NCKAP5: variants seen among roughly 807,000 people sequenced by gnomAD.
NCKAP5 encodes nck-associated protein 5.
Under a neutral mutation model 167.0 loss-of-function variants are expected in NCKAP5, and 92 were observed. The ratio of observed to expected loss-of-function variants is 0.55; its 90% CI spans 0.47 to 0.66. The LOEUF (loss-of-function observed/expected upper bound fraction) is 0.66. Among genes scored for constraint, NCKAP5 ranks in the 30% least tolerant of loss-of-function variants. The pLI, the probability that NCKAP5 is intolerant of heterozygous loss-of-function variation, is 0.00. For missense variants in NCKAP5, 2,378 were observed against 2,315.0 expected, an observed-to-expected ratio of 1.03 and a Z score of -0.56; for synonymous variants, 891 against 877.4, an observed-to-expected ratio of 1.02 and a Z score of -0.27.
At chr2:132,745,522 C>A (rs1679563803) in intron 16 of NCKAP5, among the ~76,000 whole-genome samples, 1 of 151,694 alleles carries the variant, frequency 6.6e-6, no homozygotes, top group African/African-American at 2.4e-5. Flanking sequence ...TGAATGTTCC[C>A]CCACTAAGAC....
chr2:132,687,933 C>G (rs932655913), intron 19 of NCKAP5, among the ~76,000 whole-genome samples: 2 of 152,162 alleles, frequency 1.3e-5, no homozygotes, highest in South Asian at 4.1e-4. Flanking sequence ...AGATGTACTA[C>G]TTTATGTGGT....
Position 133,209,487 on chromosome 2 carries a change from T to C in NCKAP5, c.207+4229A>G, listed in dbSNP as rs190988290. Among the ~76,000 whole-genome samples the C allele has an allele frequency of 2.2e-4, 34 of 151,452 alleles. No homozygotes were observed. The East Asian group carries it at 6.0e-3, about 27-fold the overall frequency. On this transcript the variant is annotated intron_variant, in intron 5 of 19. Transcript: ENST00000409261. Reference sequence around the variant, plus strand: ...CAAACAAAAAAACAGTGAAGTAACATGTCCAAGCTAACATTACTTAGGTAA... The same window carrying C: ...CAAACAAAAAAACAGTGAAGTAACACGTCCAAGCTAACATTACTTAGGTAA...
intron 6 of NCKAP5, among the ~76,000 whole-genome samples, chr2:132,998,934 T>C (rs909149606): frequency 6.6e-6 from 1 of 152,200 alleles, no homozygotes; most frequent in African/African-American, 2.4e-5. Flanking sequence ...CTTCTAGCTC[T>C]CCATCTCCTT....
At chr2:133,522,739 G>A (rs896409917) in intron 2 of NCKAP5, among the ~76,000 whole-genome samples, 18 of 152,216 alleles carry the variant, frequency 1.2e-4, no homozygotes, top group Middle Eastern at 3.4e-3. Context: ...AAGCATATTC[G>A]GATACACCCA....
chr2:132,901,534 C>T (rs916116617), intron 8 of NCKAP5, among the ~76,000 whole-genome samples: 13 of 152,260 alleles, frequency 8.5e-5, no homozygotes, highest in African/African-American at 2.6e-4. Context: ...AAATAATACC[C>T]ACAATGCAAC....
intron 19 of NCKAP5, among the ~76,000 whole-genome samples, chr2:132,696,442 C>A (rs1286409105): frequency 6.6e-6 from 1 of 152,162 alleles, no homozygotes. Context: ...ACTGATAGGA[C>A]CTGTGTTCAA....
At chr2:132,859,948 C>G (rs908756118) in intron 11 of NCKAP5, among the ~76,000 whole-genome samples, 1 of 150,748 alleles carries the variant, frequency 6.6e-6, no homozygotes, top group African/African-American at 2.4e-5. Context: ...GTTATGAAGG[C>G]AAGTAAAAAA....
At chr2:132,772,920 C>T (rs1682209755) in intron 16 of NCKAP5, among the ~76,000 whole-genome samples, 1 of 152,184 alleles carries the variant, frequency 6.6e-6, no homozygotes, top group Non-Finnish European at 1.5e-5. Context: ...GCTAAAGATG[C>T]TCCCAGTGAA....
intron 8 of NCKAP5, among the ~76,000 whole-genome samples, chr2:132,934,311 G>A (rs149103118): frequency 6.6e-6 from 1 of 152,302 alleles, no homozygotes; most frequent in Non-Finnish European, 1.5e-5. Flanking sequence ...CCTGGCTCAT[G>A]CCTGTAATCC....
chr2:133,308,952 C>T (rs1406547230), intron 3 of NCKAP5, among the ~76,000 whole-genome samples: 1 of 151,086 alleles, frequency 6.6e-6, no homozygotes, highest in Non-Finnish European at 1.5e-5. Flanking sequence ...CCTCATGATC[C>T]ACCCGCCTCG....
At chr2:133,130,203 A>G in intron 5 of NCKAP5, 92 bp from the exon 6 acceptor site, 1 of 1,388,176 alleles carries the variant, frequency 7.2e-7, no homozygotes, top group Admixed American at 2.9e-5. Context: ...TGAGCTTTAT[A>G]TATATGAATT....
intron 6 of NCKAP5, among the ~76,000 whole-genome samples, chr2:133,084,440 T>A (rs1238625733): frequency 6.6e-6 from 1 of 152,174 alleles, no homozygotes; most frequent in East Asian, 1.9e-4. Flanking sequence ...CTGTGTGACC[T>A]AGAGCAAGCT....
chr2:133,514,075 G>T (rs1042042480), intron 3 of NCKAP5, among the ~76,000 whole-genome samples: 1 of 152,124 alleles, frequency 6.6e-6, no homozygotes, highest in Non-Finnish European at 1.5e-5. Flanking sequence ...AAGAGGACTC[G>T]ATTTCTGGGG....
chr2:133,144,812 T>A (rs2083128520), intron 5 of NCKAP5, among the ~76,000 whole-genome samples: 1 of 152,112 alleles, frequency 6.6e-6, no homozygotes. Context: ...AGGAACAGAG[T>A]TCCTCCCACT....
At chr2:133,059,365 A>G (rs1272924446) in intron 6 of NCKAP5, among the ~76,000 whole-genome samples, 1 of 151,960 alleles carries the variant, frequency 6.6e-6, no homozygotes, top group African/African-American at 2.4e-5. Context: ...TTTTAGCAAT[A>G]AAATATTTTG....
At chr2:133,254,927 C>T (rs13431418) in intron 4 of NCKAP5, among the ~76,000 whole-genome samples, 24,285 of 151,856 alleles carry the variant, frequency 0.16, 2,130 homozygotes, top group African/African-American at 0.24. Context: ...GGAAGCAATG[C>T]AGTACAGTGA....
intron 7 of NCKAP5, 104 bp from the exon 8 acceptor site, chr2:132,963,973 C>T (rs938797952): frequency 1.8e-5 from 24 of 1,322,380 alleles, no homozygotes; most frequent in African/African-American, 3.0e-5. Flanking sequence ...TGCATTCTTC[C>T]GGGGCTGGGA....
At chr2:133,025,291 T>C (rs1465708968) in intron 6 of NCKAP5, among the ~76,000 whole-genome samples, 2 of 152,258 alleles carry the variant, frequency 1.3e-5, no homozygotes, top group Non-Finnish European at 2.9e-5. Context: ...TGCTAGTTGA[T>C]ACATACAATG....
chr2:132,997,206 A>G (rs1234712799), intron 6 of NCKAP5, among the ~76,000 whole-genome samples: 1 of 152,236 alleles, frequency 6.6e-6, no homozygotes, highest in African/African-American at 2.4e-5. Flanking sequence ...AGGAAACTGC[A>G]GACAACTGGG....
Sources: allele counts gnomAD v4.1 joint callset (sites outside exome capture counted in the v4.1 genomes callset), GRCh38; gene constraint gnomAD v4.1.1; transcripts MANE v1.5; gene names NCBI Gene and HGNC (gene_info 2026-07-23, HGNC 2026-07-21).